The following KIF24 variants were observed in gnomAD, a reference collection of about 807,000 sequenced individuals.
KIF24 encodes the protein kinesin-like protein KIF24.
Under a neutral mutation model 118.9 loss-of-function variants are expected in KIF24, and 81 were observed. The ratio of observed to expected loss-of-function variants is 0.68; its 90% CI spans 0.57 to 0.82. The LOEUF is 0.82. Ranked by LOEUF, KIF24 falls within the 40% of genes least tolerant of loss-of-function variation. The probability of loss-of-function intolerance (pLI) is 0.00; values close to 1 mark genes in which losing one functional copy is unlikely to be tolerated. For missense variants in KIF24, 1,560 were observed against 1,661.6 expected, an observed-to-expected ratio of 0.94 and a Z score of 1.06; for synonymous variants, 599 against 610.0, an observed-to-expected ratio of 0.98 and a Z score of 0.27.
intron 1 of KIF24, among the ~76,000 whole-genome samples, chr9:34,323,730 A>G (rs1443061002): frequency 6.6e-6 from 1 of 152,246 alleles, no homozygotes; most frequent in Non-Finnish European, 1.5e-5. Flanking sequence ...ACCAGGAATT[A>G]TTTCCAAAGG....
intron 6 of KIF24, among the ~76,000 whole-genome samples, chr9:34,276,820 G>A (rs1396550059): frequency 6.6e-6 from 1 of 152,220 alleles, no homozygotes; most frequent in African/African-American, 2.4e-5. Context: ...TTAAGCTAAT[G>A]AAATCATAAG....
At chr9:34,278,576 A>G (rs951506590) in intron 6 of KIF24, among the ~76,000 whole-genome samples, 1 of 151,706 alleles carries the variant, frequency 6.6e-6, no homozygotes, top group African/African-American at 2.4e-5. Flanking sequence ...GCAAACCAAA[A>G]AAAAAAAAAA....
intron 3 of KIF24, among the ~76,000 whole-genome samples, chr9:34,298,006 C>T (rs549217832): frequency 1.3e-3 from 205 of 151,986 alleles, no homozygotes; most frequent in Non-Finnish European, 2.5e-3. Context: ...AGATAAAGTA[C>T]GTGTCGATTT....
intron 10 of KIF24, 93 bp downstream of exon 10, chr9:34,259,503 A>ACACACACGCGTGCACACATGCT: frequency 1.1e-6 from 1 of 888,996 alleles, no homozygotes; most frequent in South Asian, 1.4e-5. Context: ...GCACTTGCAC[A>ACACACACGCGTGCACACATGCT]CACACACGCG....
intron 1 of KIF24, among the ~76,000 whole-genome samples, chr9:34,325,820 G>A (rs937363970): frequency 6.6e-6 from 1 of 152,152 alleles, no homozygotes; most frequent in Non-Finnish European, 1.5e-5. Context: ...GTAACGGGTG[G>A]TAGAAACTAT....
intron 3 of KIF24, among the ~76,000 whole-genome samples, chr9:34,301,921 T>G (rs1451412541): frequency 6.6e-6 from 1 of 152,090 alleles, no homozygotes; most frequent in African/African-American, 2.4e-5. Context: ...AATCTAGGTG[T>G]TCAGCCACTG....
intron 3 of KIF24, among the ~76,000 whole-genome samples, chr9:34,304,619 C>T (rs1481946005): frequency 6.6e-6 from 1 of 152,132 alleles, no homozygotes; most frequent in African/African-American, 2.4e-5. Flanking sequence ...ATATCTCCCA[C>T]TGAGAACTAA....
intron 2 of KIF24, 101 bp from the exon 3 acceptor site, chr9:34,306,542 C>T (rs1310554082): frequency 4.0e-6 from 3 of 744,314 alleles, no homozygotes; most frequent in Admixed American, 2.6e-5. Context: ...GTGGCTTACG[C>T]CTGTAATCCC....
upstream of KIF24, among the ~76,000 whole-genome samples, chr9:34,329,851 T>G (rs1219808851): frequency 1.4e-5 from 2 of 139,632 alleles, no homozygotes; most frequent in Non-Finnish European, 3.1e-5. Flanking sequence ...GGAGTGGGGA[T>G]AGGGTGGGTC....
At chr9:34,332,296 C>T (rs1159092124), upstream of KIF24, among the ~76,000 whole-genome samples, 25 of 152,216 alleles carry the variant, frequency 1.6e-4, no homozygotes, top group Admixed American at 1.6e-3. Context: ...GCCTGGTAAA[C>T]TAGTGACCCA....
At position 34,306,408 on chromosome 9, in the gene KIF24, A is replaced by T. The variant is rs1563958378; in HGVS notation, c.657T>A (p.Thr219=). ...QNTSEKQNPW[T]EMEKIRVCVR... ...CACAAACTCTGATTTTCTCCATCTC[A>T]GTCCAAGGATTCTGTTTCTCTGAAG... Residue 219 remains threonine (T), a synonymous_variant, in exon 3 of 13, where the codon ACT becomes ACA. Transcript: ENST00000402558. The T allele has an allele frequency of 1.9e-6, 3 of 1,610,094 alleles. No homozygotes were observed. The highest frequency in any genetic ancestry group is 2.5e-6 in the Non-Finnish European group (3 of 1,178,644).
At chr9:34,322,245 T>TC (rs1837549090) in intron 1 of KIF24, among the ~76,000 whole-genome samples, 1 of 152,264 alleles carries the variant, frequency 6.6e-6, no homozygotes, top group South Asian at 2.1e-4. Flanking sequence ...CACCCCATGG[T>TC]CCTGCCTGCT....
At chr9:34,261,482 T>C (rs865789881) in intron 9 of KIF24, among the ~76,000 whole-genome samples, 3 of 152,368 alleles carry the variant, frequency 2.0e-5, no homozygotes, top group Admixed American at 1.3e-4. Flanking sequence ...AGAATAATCA[T>C]AGTTAACATT....
At position 34,257,107 on chromosome 9, in the gene KIF24, A is replaced by G; in HGVS notation, c.2500T>C (p.Ser834Pro). The G allele has an allele frequency of 6.2e-7, 1 of 1,613,992 alleles. No individual in the cohort carries two copies. The highest frequency in any genetic ancestry group is 8.5e-7 in the Non-Finnish European group (1 of 1,179,882). Residue 834 changes from serine to proline, a missense_variant, in exon 11 of 13, where the codon TCA (serine) becomes CCA (proline). Physicochemically the swap from Ser to Pro is moderately conservative, Grantham distance 74. Transcript: ENST00000402558. ...GTGGCCCTCTGACTAGAGATGTGTG[A>G]AAAAGAATCTTCACTGAAATCACTG... The part of the protein sequence containing the change: ...DDSDFSEDSF[S>P]HISSQRATKQ...
At chr9:34,297,597 C>T (rs973298670) in intron 3 of KIF24, among the ~76,000 whole-genome samples, 1 of 152,020 alleles carries the variant, frequency 6.6e-6, no homozygotes, top group South Asian at 2.1e-4. Flanking sequence ...CCCATCTCTA[C>T]TAAAAATACA....
chr9:34,278,622 T>C (rs559335460), intron 6 of KIF24, among the ~76,000 whole-genome samples: 3 of 151,682 alleles, frequency 2.0e-5, no homozygotes, highest in East Asian at 3.9e-4. Context: ...GAGAATCTAT[T>C]TGGGGGAAAT....
chr9:34,271,988 C>G, intron 6 of KIF24, 58 bp from the exon 7 acceptor site: 1 of 1,510,846 alleles, frequency 6.6e-7, no homozygotes, highest in Non-Finnish European at 8.9e-7. Flanking sequence ...CCTCTGGCTA[C>G]TAAGAGTTGG....
chr9:34,286,933 A>G (rs1836073948), intron 5 of KIF24, among the ~76,000 whole-genome samples: 1 of 152,210 alleles, frequency 6.6e-6, no homozygotes, highest in African/African-American at 2.4e-5. Flanking sequence ...TAAAAGAATG[A>G]GCACATATCT....
chr9:34,289,980 T>C (rs1483310946), intron 5 of KIF24, among the ~76,000 whole-genome samples, 194 bp downstream of exon 5: 1 of 152,174 alleles, frequency 6.6e-6, no homozygotes, highest in Admixed American at 6.5e-5. Flanking sequence ...AAAATATTAA[T>C]GAAAAGCTAA....
Sources: gnomAD v4.1 joint callset for allele counts (sites outside exome capture counted in the v4.1 genomes callset) on GRCh38, gnomAD v4.1.1 for gene constraint, MANE v1.5 for transcripts, NCBI Gene and HGNC (gene_info 2026-07-23, HGNC 2026-07-21) for gene names.